The following CGRRF1 variants were observed in gnomAD, a reference collection of about 807,000 sequenced individuals.
The protein encoded by CGRRF1 is cell growth regulator with RING finger domain protein 1.
A neutral mutation model predicts 37.2 loss-of-function variants in CGRRF1; 32 were observed. The observed-to-expected ratio is 0.86, with a 90% confidence interval of 0.65 to 1.16. CGRRF1 has a LOEUF of 1.16. CGRRF1 is among the 50% of genes most tolerant of loss of function. CGRRF1 has a pLI of 0.00. For synonymous variants in CGRRF1, 141 were observed against 140.3 expected (o/e 1.00, Z -0.04); for missense variants, 391 against 382.6 (o/e 1.02, Z -0.18).
intron 2 of CGRRF1, among the ~76,000 whole-genome samples, chr14:54,524,063 G>C (rs1402557482): frequency 1.3e-5 from 2 of 152,142 alleles, no homozygotes; most frequent in Non-Finnish European, 2.9e-5. Context: ...GTGCAGTGCA[G>C]TCTGACTTTT....
chr14:54,531,107 T>C, intron 4 of CGRRF1, 57 bp downstream of exon 4: 1 of 1,310,218 alleles, frequency 7.6e-7, no homozygotes, highest in South Asian at 1.3e-5. Flanking sequence ...TGGTGGTTCT[T>C]CATTATTTGA....
At chr14:54,517,770 C>T (rs566635082) in intron 1 of CGRRF1, among the ~76,000 whole-genome samples, 1 of 152,286 alleles carries the variant, frequency 6.6e-6, no homozygotes, top group Admixed American at 6.5e-5. Flanking sequence ...GATGCTCTCC[C>T]TCCCCCAGCT....
intron 4 of CGRRF1, among the ~76,000 whole-genome samples, chr14:54,535,601 G>GT (rs992052440): frequency 6.6e-6 from 1 of 151,878 alleles, no homozygotes; most frequent in African/African-American, 2.4e-5. Flanking sequence ...CCACTCTTCT[G>GT]TTTTTTTCTC....
chr14:54,513,669 C>T (rs575069465), intron 1 of CGRRF1, among the ~76,000 whole-genome samples: 2 of 150,790 alleles, frequency 1.3e-5, no homozygotes, highest in South Asian at 2.1e-4. Flanking sequence ...CTCTGTTGTC[C>T]GAGCTGGAGT....
Position 54,531,003 on chromosome 14 carries a change from G to T in CGRRF1, c.523G>T (p.Ala175Ser), listed in dbSNP as rs996372989. ...TVPRSRYPLV[A>S]LLTLADEDDR... ...ACCCAGATCTCGCTATCCATTGGTA[G>T]CGCTATTGACCTTAGCTGATGAGGA... is the stretch of plus-strand genomic sequence containing the variant. Residue 175 changes from alanine to serine, a missense_variant, in exon 4 of 6, where the codon GCG (alanine) becomes TCG (serine). Ala to Ser is a moderately conservative substitution (Grantham distance 99). Transcript: ENST00000216420. 1 of 1,612,982 alleles carries T rather than the reference G, an allele frequency of 6.2e-7. No homozygotes were observed. Among genetic ancestry groups the T allele is most frequent in the Non-Finnish European group, 8.5e-7 (1 of 1,179,186 alleles).
chr14:54,534,966 A>G (rs1165637178), intron 4 of CGRRF1, among the ~76,000 whole-genome samples: 3 of 152,088 alleles, frequency 2.0e-5, no homozygotes, highest in Non-Finnish European at 4.4e-5. Context: ...CAGTACTCCC[A>G]CTGTGATCTC....
intron 1 of CGRRF1, among the ~76,000 whole-genome samples, chr14:54,519,951 A>T (rs906919590): frequency 6.6e-6 from 1 of 152,198 alleles, no homozygotes. Flanking sequence ...TTATCCATAC[A>T]TTGGTCTATC....
chr14:54,538,249 T>C lies in CGRRF1; in HGVS notation c.865T>C (p.Cys289Arg), dbSNP rs376408818. The C allele has an allele frequency of 1.9e-6, 3 of 1,614,174 alleles. No individual in the cohort carries two copies. The highest frequency in any genetic ancestry group is 1.7e-5 in the Admixed American group (1 of 60,022). Reference sequence around the variant, plus strand: ...GACTGTGAACTGGGTACTCTTACCATGCAGACACACATGCCTGTGTGATGG... The same window carrying C: ...GACTGTGAACTGGGTACTCTTACCACGCAGACACACATGCCTGTGTGATGG... Reference protein sequence around the residue: ...NGTVNWVLLPCRHTCLCDGCV... With the variant: ...NGTVNWVLLPRRHTCLCDGCV... The change falls in exon 6 of 6, where the codon TGC becomes CGC. Residue 289 changes from cysteine to arginine, a missense_variant. Physicochemically the swap from Cys to Arg is radical, Grantham distance 180 (BLOSUM62 -3). Transcript: ENST00000216420.
In CGRRF1 at chr14:54,522,481, G is replaced by A. The variant is rs2032334513; in HGVS notation, c.132G>A (p.Leu44=). Reference sequence around the variant, plus strand: ...TTGGTTGGGATGTTCCAGTAATTCTGAGAAATTCAGAAGAGACCCAGTTCA... The same window carrying A: ...TTGGTTGGGATGTTCCAGTAATTCTAAGAAATTCAGAAGAGACCCAGTTCA... ...GWFGWDVPVI[L]RNSEETQFST... Residue 44 remains leucine (L), a synonymous_variant, in exon 2 of 6, where the codon CTG becomes CTA. Coordinates refer to ENST00000216420, the MANE Select transcript of CGRRF1 (RefSeq NM_006568.3). The A allele has an allele frequency of 6.3e-7, 1 of 1,579,864 alleles. No homozygotes were observed. The highest frequency in any genetic ancestry group is 8.6e-7 in the Non-Finnish European group (1 of 1,168,950).
At chr14:54,523,680 G>C (rs930950369) in intron 2 of CGRRF1, among the ~76,000 whole-genome samples, 2 of 152,150 alleles carry the variant, frequency 1.3e-5, no homozygotes, top group Non-Finnish European at 2.9e-5. Context: ...GAAGACTCAG[G>C]TTCTTCCTAT....
In CGRRF1 at chr14:54,538,310, G is replaced by C; in HGVS notation, c.926G>C (p.Arg309Thr). Residue 309 changes from arginine to threonine, a missense_variant, in exon 6 of 6, where the codon AGG becomes ACG. Transcript: ENST00000216420. ...VKYFQQCPMC[R>T]QFVQESFALC... The stretch of plus-strand genomic sequence containing the variant: ...TATTTTCAGCAGTGCCCAATGTGCA[G>C]GCAGTTTGTTCAGGAATCTTTTGCA... The C allele has an allele frequency of 1.2e-6, 2 of 1,614,100 alleles. No homozygotes were observed. Among genetic ancestry groups the C allele is most frequent in the Non-Finnish European group, 1.7e-6 (2 of 1,179,962 alleles).
Position 54,509,921 on chromosome 14 carries a change from C to T in CGRRF1, c.-39C>T, listed in dbSNP as rs1446012247. The T allele has an allele frequency of 3.3e-6, 5 of 1,503,642 alleles. No individual in the cohort carries two copies. The highest frequency in any genetic ancestry group is 3.7e-6 in the Non-Finnish European group (4 of 1,080,608). The allele number at this position is 1,503,642 out of a possible 1,614,324, so 93.1% of individuals were successfully genotyped here. A position where few individuals can be genotyped will look rare whatever the true frequency, so the allele number is the denominator to read the frequency against. On this transcript the variant is annotated 5_prime_UTR_variant, in exon 1 of 6. Transcript: ENST00000216420. ...GGGCTCAGCCGGGCTGGGCTGGGCTCCGCGGCTGGAGCCGGGCTCTACCCA... is the reference window on the plus strand; with the variant it reads ...GGGCTCAGCCGGGCTGGGCTGGGCTTCGCGGCTGGAGCCGGGCTCTACCCA...
chr14:54,533,571 ATTTC>A (rs1168159683), intron 4 of CGRRF1, among the ~76,000 whole-genome samples: 1 of 151,808 alleles, frequency 6.6e-6, no homozygotes, highest in African/African-American at 2.4e-5. Context: ...ACCATTTCCT[ATTTC>A]TTTTTCATAT....
Position 54,522,194 on chromosome 14 carries a change from T to A in CGRRF1, c.105-260T>A, listed in dbSNP as rs148411836. Reference sequence around the variant, plus strand: ...AAACAGTTGTTATACTGTATTGGTTTTGAATTTGTAGTATTTTTTATTGTT... The same window carrying A: ...AAACAGTTGTTATACTGTATTGGTTATGAATTTGTAGTATTTTTTATTGTT... On this transcript the variant is annotated intron_variant, in intron 1 of 5. Coordinates refer to ENST00000216420, the MANE Select transcript of CGRRF1 (RefSeq NM_006568.3). 3.7e-3 allele frequency among the ~76,000 whole-genome samples: 561 copies of A among 152,330 alleles called. 6 individuals are homozygous for A. Among genetic ancestry groups the A allele is most frequent in the Middle Eastern group, 6.8e-3 (2 of 294 alleles).
chr14:54,530,570 T>A (rs1444878738), intron 3 of CGRRF1: 9 of 1,159,792 alleles, frequency 7.8e-6, no homozygotes, highest in African/African-American at 1.6e-5. Context: ...AATATCTCTA[T>A]CAGGAACAGT....
At chr14:54,512,886 A>T (rs1170705087) in intron 1 of CGRRF1, among the ~76,000 whole-genome samples, 1 of 152,118 alleles carries the variant, frequency 6.6e-6, no homozygotes, top group Non-Finnish European at 1.5e-5. Flanking sequence ...AATTCTCTTT[A>T]TTCTCTTTTC....
Position 54,537,759 on chromosome 14 carries a change from C to T in CGRRF1, c.608C>T (p.Thr203Ile). ...MVSVIHIPDR[T>I]YKLSCRILYQ... ...TCAGTGATTCATATTCCTGATAGGA[C>T]TTATAAACTATCCTGCAGAATATTG... Residue 203 changes from threonine (T) to isoleucine (I), a missense_variant, in exon 5 of 6, where the codon ACT becomes ATT. Physicochemically the swap from Thr to Ile is moderately conservative, Grantham distance 89. Transcript: ENST00000216420. The T allele has an allele frequency of 6.3e-7, 1 of 1,594,738 alleles. No homozygotes were observed. Among genetic ancestry groups the T allele is most frequent in the Non-Finnish European group, 8.5e-7 (1 of 1,174,392 alleles).
At chr14:54,533,315 G>C (rs2032549668) in intron 4 of CGRRF1, among the ~76,000 whole-genome samples, 1 of 152,088 alleles carries the variant, frequency 6.6e-6, no homozygotes, top group Admixed American at 6.6e-5. Flanking sequence ...TGGGAGGCTT[G>C]TTCCCATAGG....
At chr14:54,529,233 G>A (rs752766082) in intron 2 of CGRRF1, among the ~76,000 whole-genome samples, 1 of 152,150 alleles carries the variant, frequency 6.6e-6, no homozygotes, top group Non-Finnish European at 1.5e-5. Context: ...AGTATGAAAG[G>A]CTGGATGTTG....
Sources: gnomAD v4.1 joint callset for allele counts (sites outside exome capture counted in the v4.1 genomes callset) on GRCh38, gnomAD v4.1.1 for gene constraint, MANE v1.5 for transcripts, NCBI Gene and HGNC (gene_info 2026-07-23, HGNC 2026-07-21) for gene names.